The following ZNF724 variants were observed in gnomAD, a reference collection of about 807,000 sequenced individuals.
ZNF724 encodes the protein zinc finger protein 724 pseudogene.
ZNF724 carries 14 observed loss-of-function variants against 29.3 expected under a neutral mutation model. The observed-to-expected ratio is 0.48, with a 90% CI of 0.32 to 0.75. The LOEUF is 0.75. Among genes scored for constraint, ZNF724 ranks in the 30% least tolerant of loss-of-function variants. The pLI is 0.04. For missense variants in ZNF724, 557 were observed against 571.2 expected, an observed-to-expected ratio of 0.98 and a Z score of 0.25; for synonymous variants, 180 against 193.6, an observed-to-expected ratio of 0.93 and a Z score of 0.58.
chr19:23,245,602 A>G (rs1237269593), intron 1 of ZNF724, among the ~76,000 whole-genome samples: 1 of 151,846 alleles, frequency 6.6e-6, no homozygotes, highest in African/African-American at 2.4e-5. Flanking sequence ...CAGCAGAGCA[A>G]GACTCCATCT....
At chr19:23,230,260 A>G (rs952148797) in intron 3 of ZNF724, among the ~76,000 whole-genome samples, 21 of 151,810 alleles carry the variant, frequency 1.4e-4, no homozygotes, top group Non-Finnish European at 2.8e-4. Flanking sequence ...TTTTGTGTGT[A>G]TGGATTGAAA....
At chr19:23,229,477 T>A (rs113829420) in intron 3 of ZNF724, among the ~76,000 whole-genome samples, 5 of 152,262 alleles carry the variant, frequency 3.3e-5, no homozygotes, top group African/African-American at 1.2e-4. Context: ...AAATCCTCTT[T>A]GATACTAAGT....
chr19:23,227,281 G>A (rs369385004), intron 3 of ZNF724, among the ~76,000 whole-genome samples: 4 of 151,990 alleles, frequency 2.6e-5, no homozygotes, highest in Admixed American at 6.6e-5. Flanking sequence ...CAGGCCAGGC[G>A]TGGTGGCTCA....
At chr19:23,232,513 A>G (rs1971953785) in intron 1 of ZNF724, among the ~76,000 whole-genome samples, 1 of 152,240 alleles carries the variant, frequency 6.6e-6, no homozygotes. Context: ...TATATATGAT[A>G]CTTTTCTGGA....
At chr19:23,228,841 G>A (rs1430671729) in intron 3 of ZNF724, among the ~76,000 whole-genome samples, 5 of 150,262 alleles carry the variant, frequency 3.3e-5, no homozygotes, top group East Asian at 4.0e-4. Flanking sequence ...AGTGAGCTGC[G>A]ATTGAGCCAC....
chr19:23,223,433 G>A lies in ZNF724; in HGVS notation c.812C>T (p.Thr271Ile), dbSNP rs878937794. Residue 271 changes from threonine (T) to isoleucine (I), a missense_variant, in exon 4 of 4, where the codon ACA becomes ATA. By Grantham distance (89) the Thr-to-Ile change is moderately conservative. Around this residue, in one of 3 missense-constraint regions of ZNF724, gnomAD observed 362 missense variants for 295.5 expected, o/e 1.22. Coordinates refer to ENST00000418100, the MANE Select transcript of ZNF724 (RefSeq NM_001355404.2). ...CTCTCCAGTATGAATTATCTTATGT[G>A]TAGTAAGGTGTGAGGATATGTTAAA... is the stretch of plus-strand genomic sequence containing the variant. Reference protein sequence around the residue: ...KAFNISSHLTTHKIIHTGENA... With the variant: ...KAFNISSHLTIHKIIHTGENA... 1.3e-6 allele frequency: 1 copy of A among 768,564 alleles called. No homozygotes were observed. The allele number at this position is 768,564 out of a possible 1,614,324, so 47.6% of individuals were successfully genotyped here.
intron 3 of ZNF724, among the ~76,000 whole-genome samples, chr19:23,226,030 A>C (rs1168970352): frequency 6.7e-6 from 1 of 148,874 alleles, no homozygotes; most frequent in East Asian, 2.0e-4. Flanking sequence ...TTTTTGAAAA[A>C]AATTTTCTAG....
chr19:23,233,862 A>ATT (rs1254893822), intron 1 of ZNF724, among the ~76,000 whole-genome samples: 1 of 151,658 alleles, frequency 6.6e-6, no homozygotes, highest in East Asian at 1.9e-4. Context: ...TTCAGATGAG[A>ATT]TTTTCTGGAC....
chr19:23,232,968 T>G (rs1477965341), intron 1 of ZNF724, among the ~76,000 whole-genome samples: 1 of 152,072 alleles, frequency 6.6e-6, no homozygotes, highest in East Asian at 1.9e-4. Flanking sequence ...TACTTAATAA[T>G]GAAGAAAAAA....
chr19:23,222,504 T>C lies in ZNF724; in HGVS notation c.1741A>G (p.Lys581Glu). 1 of 1,318,144 alleles carries C rather than the reference T, an allele frequency of 7.6e-7. No homozygotes were observed. The highest frequency in any genetic ancestry group is 1.1e-6 in the Non-Finnish European group (1 of 912,004). 81.7% of individuals were successfully genotyped at this position (1,318,144 alleles called of 1,614,324 possible). A position where few individuals can be genotyped will look rare whatever the true frequency, so the allele number is the denominator to read the frequency against. ...FNWSSTLTKH[K>E]VIHTGEKPYK... Reference sequence around the variant, plus strand: ...GGTTTCTCTCCAGTATGAATTACCTTATGTTTAGTCAGAGTTGAGGACCAA... The same window carrying C: ...GGTTTCTCTCCAGTATGAATTACCTCATGTTTAGTCAGAGTTGAGGACCAA... Residue 581 changes from lysine (K) to glutamate (E), a missense_variant, in exon 4 of 4, where the codon AAG (lysine) becomes GAG (glutamate). This residue lies in a region of ZNF724 where 170 missense variants were observed against 220.7 expected (regional missense o/e 0.77). Coordinates refer to ENST00000418100, the MANE Select transcript of ZNF724 (RefSeq NM_001355404.2).
chr19:23,249,241 CTTTTT>C (rs35301912), intron 1 of ZNF724, among the ~76,000 whole-genome samples: 1 of 133,812 alleles, frequency 7.5e-6, no homozygotes, highest in Non-Finnish European at 1.6e-5. Context: ...CAGAGACTGC[CTTTTT>C]TTTTTTTTTT....
chr19:23,234,741 C>A (rs1189203907), intron 1 of ZNF724, among the ~76,000 whole-genome samples: 1 of 152,184 alleles, frequency 6.6e-6, no homozygotes, highest in African/African-American at 2.4e-5. Context: ...CATAAGCCAC[C>A]ACGCCCAGCT....
In ZNF724 at chr19:23,222,559, G is replaced by A. The variant is rs1220240065; in HGVS notation, c.1686C>T (p.Tyr562=). ...AGGCTTTGCCACATTCTTCACATTT[G>A]TAGGGTTTCTCTCCAGTATGAATTA... is the stretch of plus-strand genomic sequence containing the variant. ...HKIIHTGEKP[Y]KCEECGKAFN... is the part of the protein sequence containing the mutation. The change falls in exon 4 of 4, where the codon TAC becomes TAT. Residue 562 remains tyrosine, a synonymous_variant. Coordinates refer to ENST00000418100, the MANE Select transcript of ZNF724 (RefSeq NM_001355404.2). The A allele has an allele frequency of 2.9e-6, 4 of 1,380,308 alleles. No homozygotes were observed. Among genetic ancestry groups the A allele is most frequent in the Non-Finnish European group, 4.1e-6 (4 of 969,064 alleles). 85.5% of individuals were successfully genotyped at this position (1,380,308 alleles called of 1,614,324 possible). A position where few individuals can be genotyped will look rare whatever the true frequency, so the allele number is the denominator to read the frequency against.
intron 1 of ZNF724, among the ~76,000 whole-genome samples, chr19:23,246,892 G>T (rs1328923538): frequency 6.6e-6 from 1 of 152,088 alleles, no homozygotes; most frequent in Non-Finnish European, 1.5e-5. Flanking sequence ...AAAAGCTAAT[G>T]CTTGAAATTG....
chr19:23,237,815 T>C (rs1417186677), intron 1 of ZNF724, among the ~76,000 whole-genome samples: 2 of 151,120 alleles, frequency 1.3e-5, no homozygotes, highest in Admixed American at 6.6e-5. Flanking sequence ...AAGCAGTAAA[T>C]AGGAACCAAA....
Position 23,232,061 on chromosome 19 carries a change from A to T in ZNF724, c.130+106T>A. On this transcript the variant is annotated intron_variant, in intron 2 of 3. Coordinates refer to ENST00000418100, the MANE Select transcript of ZNF724 (RefSeq NM_001355404.2). Reference sequence around the variant, plus strand: ...CCCCAAGATTTTCTTAGAAATAGAGATCTGATACTCATTTATGCAAAGATC... The same window carrying T: ...CCCCAAGATTTTCTTAGAAATAGAGTTCTGATACTCATTTATGCAAAGATC... The T allele has an allele frequency of 4.1e-6, 4 of 979,784 alleles. No individual in the cohort carries two copies. The South Asian group carries it at 5.7e-5, about 14-fold the overall frequency. The allele number at this position is 979,784 out of a possible 1,614,324, so 60.7% of individuals were successfully genotyped here. A position where few individuals can be genotyped will look rare whatever the true frequency, so the allele number is the denominator to read the frequency against.
intron 1 of ZNF724, among the ~76,000 whole-genome samples, chr19:23,243,335 A>G (rs1301530544): frequency 6.6e-6 from 1 of 150,572 alleles, no homozygotes; most frequent in African/African-American, 2.4e-5. Flanking sequence ...AAAACTAGCC[A>G]GGCGTGGTGG....
In ZNF724 at chr19:23,223,483, G is replaced by A; in HGVS notation, c.762C>T (p.Tyr254=). 1 of 755,650 alleles carries A rather than the reference G, an allele frequency of 1.3e-6. No homozygotes were observed. The highest frequency in any genetic ancestry group is 2.5e-6 in the Non-Finnish European group (1 of 406,356). The allele number at this position is 755,650 out of a possible 1,614,324, so 46.8% of individuals were successfully genotyped here. A position where few individuals can be genotyped will look rare whatever the true frequency, so the allele number is the denominator to read the frequency against. Residue 254 remains tyrosine (Y), a synonymous_variant, in exon 4 of 4, where the codon TAC becomes TAT. Transcript: ENST00000418100. The part of the protein sequence containing the change: ...HKIIHTGEKS[Y]KREECGKAFN... Reference sequence around the variant, plus strand: ...AAGCTTTTCCACATTCTTCACGTTTGTAGGATTTCTCTCCAGTATGAATTA... The same window carrying A: ...AAGCTTTTCCACATTCTTCACGTTTATAGGATTTCTCTCCAGTATGAATTA...
intron 1 of ZNF724, among the ~76,000 whole-genome samples, chr19:23,232,814 GT>G (rs66465283): frequency 1.8e-5 from 2 of 113,716 alleles, no homozygotes; most frequent in Non-Finnish European, 4.2e-5. Context: ...GAAATAACCT[GT>G]TTTTCCCCCC....
Sources: gnomAD v4.1 joint callset for allele counts (sites outside exome capture counted in the v4.1 genomes callset) on GRCh38, gnomAD v4.1.1 for gene constraint, gnomAD v4.1.1 regional missense constraint, MANE v1.5 for transcripts, NCBI Gene and HGNC (gene_info 2026-07-23, HGNC 2026-07-21) for gene names.